JAZF1: variants seen among roughly 807,000 people sequenced by gnomAD.
JAZF1 encodes the protein juxtaposed with another zinc finger protein 1.
A neutral mutation model predicts 26.4 loss-of-function variants in JAZF1; 8 were observed. The ratio of observed to expected loss-of-function variants is 0.30; its 90% CI spans 0.18 to 0.55. The LOEUF (loss-of-function observed/expected upper bound fraction) is 0.55, where lower values mean the gene tolerates loss of function less well. Ranked by LOEUF, JAZF1 falls within the 20% of genes least tolerant of loss-of-function variation. The probability of loss-of-function intolerance (pLI) is 0.94; values close to 1 mark genes in which losing one functional copy is unlikely to be tolerated. For synonymous variants in JAZF1, 126 were observed against 122.3 expected (o/e 1.03, Z -0.20); for missense variants, 199 against 322.0 (o/e 0.62, Z 2.92).
intron 3 of JAZF1, among the ~76,000 whole-genome samples, chr7:27,885,414 T>C (rs1783842426): frequency 6.6e-6 from 1 of 152,238 alleles, no homozygotes; most frequent in African/African-American, 2.4e-5. Flanking sequence ...ACTTGCTCCA[T>C]CTTCACTTCT....
chr7:27,943,121 G>A (rs902779461), intron 2 of JAZF1, among the ~76,000 whole-genome samples: 1 of 152,168 alleles, frequency 6.6e-6, no homozygotes, highest in Non-Finnish European at 1.5e-5. Context: ...GCAGGGTTCT[G>A]AGCATAACTG....
At position 27,884,967 on chromosome 7, in the gene JAZF1, C is replaced by T. The variant is rs561531795; in HGVS notation, c.385+10253G>A. On this transcript the variant is annotated intron_variant, in intron 3 of 4. Transcript: ENST00000283928. ...CTGCCGGGCGGAGGGATAATGAGAT[C>T]TGCTCCCCTCTCCCCTCAGAGCAGG... is the stretch of plus-strand genomic sequence containing the variant. 7.9e-5 allele frequency among the ~76,000 whole-genome samples: 12 copies of T among 152,274 alleles called. No homozygotes were observed. The East Asian group carries it at 2.3e-3, about 29-fold the overall frequency.
At chr7:27,959,829 G>A (rs1382760649) in intron 2 of JAZF1, among the ~76,000 whole-genome samples, 2 of 152,064 alleles carry the variant, frequency 1.3e-5, no homozygotes, top group Non-Finnish European at 2.9e-5. Flanking sequence ...GAACCCAGGA[G>A]GCGGAGGTTG....
intron 1 of JAZF1, among the ~76,000 whole-genome samples, chr7:28,158,215 A>G (rs1435927853): frequency 6.6e-6 from 1 of 152,052 alleles, no homozygotes; most frequent in African/African-American, 2.4e-5. Context: ...GGAGAGAGAG[A>G]GAGAGAGAGA....
chr7:27,857,106 G>A (rs928510526), intron 3 of JAZF1, among the ~76,000 whole-genome samples: 1 of 152,238 alleles, frequency 6.6e-6, no homozygotes, highest in Non-Finnish European at 1.5e-5. Flanking sequence ...GGAGCAGGGG[G>A]CGGCGCTCGT....
intron 1 of JAZF1, among the ~76,000 whole-genome samples, chr7:28,172,405 T>C (rs1312660183): frequency 1.3e-5 from 2 of 152,224 alleles, no homozygotes; most frequent in Non-Finnish European, 2.9e-5. Context: ...AATGACTAAC[T>C]TTAAATATTC....
rs1011471878 is a variant in JAZF1 at position 27,840,352 on chromosome 7, A to T, written c.555+346T>A. Among the ~76,000 whole-genome samples the T allele has an allele frequency of 1.3e-5, 2 of 152,258 alleles. No homozygotes were observed. The highest frequency in any genetic ancestry group is 4.8e-5 in the African/African-American group (2 of 41,466). On this transcript the variant is annotated intron_variant, in intron 4 of 4. Coordinates refer to ENST00000283928, the MANE Select transcript of JAZF1 (RefSeq NM_175061.4). The surrounding 1 kb of genome is among the most constrained non-coding windows in gnomAD (Gnocchi z 5.1). ...CCGTTGGGGAAGGTGCTTGGCAAAT[A>T]AAGTAGGTTGACATATTTGATATTC...
intron 2 of JAZF1, among the ~76,000 whole-genome samples, chr7:27,958,341 C>T (rs1785134154): frequency 1.3e-5 from 2 of 152,118 alleles, no homozygotes; most frequent in Admixed American, 6.5e-5. Flanking sequence ...GAAAGGAATG[C>T]CTTCTAAAGC....
intron 1 of JAZF1, among the ~76,000 whole-genome samples, chr7:28,151,586 AG>A (rs1275557176): frequency 6.6e-6 from 1 of 151,818 alleles, no homozygotes; most frequent in African/African-American, 2.4e-5. Flanking sequence ...GGATCACTTG[AG>A]GTCAGGAGTT....
chr7:27,958,909 G>C (rs1234622116), intron 2 of JAZF1, among the ~76,000 whole-genome samples: 2 of 152,164 alleles, frequency 1.3e-5, no homozygotes, highest in African/African-American at 2.4e-5. Context: ...AGAAATTAGA[G>C]TAGTACTAAT....
At chr7:27,930,310 C>T (rs1784669701) in intron 2 of JAZF1, among the ~76,000 whole-genome samples, 1 of 152,068 alleles carries the variant, frequency 6.6e-6, no homozygotes, top group South Asian at 2.1e-4. Context: ...TCTGCATTTT[C>T]TATAATGAAC....
chr7:27,948,675 T>C (rs1402174974), intron 2 of JAZF1, among the ~76,000 whole-genome samples: 2 of 152,216 alleles, frequency 1.3e-5, no homozygotes, highest in Admixed American at 1.3e-4. Context: ...ATTGATTGTA[T>C]ACAATCTTTA....
intron 3 of JAZF1, among the ~76,000 whole-genome samples, chr7:27,882,437 T>C (rs1277945915): frequency 6.6e-6 from 1 of 152,174 alleles, no homozygotes; most frequent in Non-Finnish European, 1.5e-5. Flanking sequence ...CCAGTCCAAT[T>C]TTCCAAGGAG....
intron 2 of JAZF1, among the ~76,000 whole-genome samples, chr7:27,938,324 C>T (rs1464478814): frequency 6.6e-6 from 1 of 152,180 alleles, no homozygotes; most frequent in Non-Finnish European, 1.5e-5. Flanking sequence ...CCAACATTAC[C>T]TCTTCCCTGG....
At chr7:27,913,633 A>C (rs1398670555) in intron 2 of JAZF1, among the ~76,000 whole-genome samples, 1 of 152,150 alleles carries the variant, frequency 6.6e-6, no homozygotes, top group Non-Finnish European at 1.5e-5. Context: ...TCCTTGACTG[A>C]TTAACATCTC....
At chr7:28,140,084 T>C (rs1242519831) in intron 1 of JAZF1, among the ~76,000 whole-genome samples, 1 of 8,420 alleles carries the variant, frequency 1.2e-4, no homozygotes, top group Non-Finnish European at 1.8e-4. Flanking sequence ...GTCACAAATC[T>C]TTTTTTTTTT....
chr7:28,152,662 G>A (rs1264163904), intron 1 of JAZF1, among the ~76,000 whole-genome samples: 1 of 152,132 alleles, frequency 6.6e-6, no homozygotes, highest in East Asian at 1.9e-4. Flanking sequence ...TTAAAAATTC[G>A]ACTCAGGAAA....
At chr7:28,165,101 G>A (rs6462067) in intron 1 of JAZF1, among the ~76,000 whole-genome samples, 14,469 of 152,124 alleles carry the variant, frequency 0.095, 1,330 homozygotes, top group African/African-American at 0.24. Context: ...CCGGAGAGGC[G>A]GAGGCTGCAG....
chr7:28,177,866 C>T (rs1045440825), intron 1 of JAZF1, among the ~76,000 whole-genome samples: 1 of 152,148 alleles, frequency 6.6e-6, no homozygotes, highest in African/African-American at 2.4e-5. Context: ...ACACTATCTA[C>T]TAATTGGGAT....
Sources: allele counts gnomAD v4.1 joint callset (sites outside exome capture counted in the v4.1 genomes callset), GRCh38; gene constraint gnomAD v4.1.1; non-coding constraint Gnocchi (gnomAD v3.1); transcripts MANE v1.5; gene names NCBI Gene and HGNC (gene_info 2026-07-23, HGNC 2026-07-21).